Variants in FHIT observed in about 807,000 individuals in gnomAD.
FHIT encodes the protein bis(5'-adenosyl)-triphosphatase.
FHIT carries 19 observed loss-of-function variants against 17.9 expected under a neutral mutation model. The observed-to-expected ratio is 1.06, with a 90% confidence interval of 0.74 to 1.56. The LOEUF is 1.56. Among genes scored for constraint, FHIT ranks in the 40% most tolerant of loss-of-function variants. The probability of loss-of-function intolerance (pLI) is 0.00; values close to 1 mark genes in which losing one functional copy is unlikely to be tolerated. For synonymous variants in FHIT, 81 were observed against 69.7 expected (o/e 1.16, Z -0.81); for missense variants, 248 against 189.2 (o/e 1.31, Z -1.82).
At chr3:59,883,549 T>C (rs1347758374) in intron 8 of FHIT, among the ~76,000 whole-genome samples, 2 of 152,226 alleles carry the variant, frequency 1.3e-5, no homozygotes, top group East Asian at 3.8e-4. Flanking sequence ...ATGATTCAAT[T>C]ATCTCTTACA....
intron 5 of FHIT, among the ~76,000 whole-genome samples, chr3:60,028,633 C>CA (rs1342617988): frequency 2.0e-5 from 3 of 151,972 alleles, no homozygotes; most frequent in African/African-American, 7.2e-5. Flanking sequence ...AAAACAAAAA[C>CA]AAAAAACCAA....
Position 60,240,279 on chromosome 3 carries a change from G to A in FHIT, c.104-226127C>T, listed in dbSNP as rs548301996. Among the ~76,000 whole-genome samples, 13 of 152,242 alleles carry A rather than the reference G, an allele frequency of 8.5e-5. No homozygotes were observed. The South Asian group carries it at 2.1e-3, about 24-fold the overall frequency. ...AGTAGGAGAGAATGGGGAAAAAAAG[G>A]CTTTGCTTCAAATTTATATTTCTGT... is the stretch of plus-strand genomic sequence containing the variant. On this transcript the variant is annotated intron_variant, in intron 5 of 9. Transcript: ENST00000492590.
chr3:60,206,329 C>A (rs888636224), intron 5 of FHIT, among the ~76,000 whole-genome samples: 53 of 152,026 alleles, frequency 3.5e-4, no homozygotes, highest in African/African-American at 1.1e-3. Context: ...TAGTCCAACA[C>A]ACCCTATGTA....
chr3:60,702,562 T>C (rs544649316), intron 4 of FHIT, among the ~76,000 whole-genome samples: 2 of 152,064 alleles, frequency 1.3e-5, no homozygotes, highest in African/African-American at 2.4e-5. Flanking sequence ...ATTGAAAGTA[T>C]AAAGAAAAAA....
Position 60,072,683 on chromosome 3 carries a change from T to C in FHIT, c.104-58531A>G, listed in dbSNP as rs536968388. ...GCTGGTAAGTGGACGATCAAAGATT[T>C]AAACATAGGCAGTGTGGATCCCAAG... is the stretch of plus-strand genomic sequence containing the variant. On this transcript the variant is annotated intron_variant, in intron 5 of 9. Coordinates refer to ENST00000492590, the MANE Select transcript of FHIT (RefSeq NM_002012.4). 2.0e-5 allele frequency among the ~76,000 whole-genome samples: 3 copies of C among 152,322 alleles called. No homozygotes were observed. The East Asian group carries it at 5.8e-4, about 29-fold the overall frequency.
chr3:60,358,898 T>C (rs1184741181), intron 5 of FHIT, among the ~76,000 whole-genome samples: 1 of 152,188 alleles, frequency 6.6e-6, no homozygotes, highest in African/African-American at 2.4e-5. Context: ...TGATGGAAGA[T>C]TTATATTAAA....
intron 5 of FHIT, among the ~76,000 whole-genome samples, chr3:60,378,559 C>T (rs766033631): frequency 2.0e-5 from 3 of 152,030 alleles, no homozygotes; most frequent in Non-Finnish European, 4.4e-5. Flanking sequence ...GATAATGTGC[C>T]AAGTCCTATT....
intron 8 of FHIT, among the ~76,000 whole-genome samples, chr3:59,898,638 C>T (rs1559710496): frequency 6.6e-6 from 1 of 151,386 alleles, no homozygotes; most frequent in Non-Finnish European, 1.5e-5. Flanking sequence ...TCTACAGAAT[C>T]TTTTTTTTTC....
intron 9 of FHIT, 199 bp downstream of exon 9, chr3:59,752,004 AAGAAGAGAGTGAAGAGGC>A (rs1700934574): frequency 4.5e-6 from 2 of 443,186 alleles, no homozygotes; most frequent in South Asian, 5.0e-5. Flanking sequence ...ACTGGCTTGG[AAGAAGAGAGTGAAGAGGC>A]AGGAGAGTTG....
intron 4 of FHIT, among the ~76,000 whole-genome samples, chr3:60,597,564 T>C (rs1181290921): frequency 6.6e-6 from 1 of 152,096 alleles, no homozygotes; most frequent in East Asian, 1.9e-4. Context: ...CAGCTCTTCA[T>C]GAAAAGCTCT....
At chr3:60,413,816 C>T (rs2107235306) in intron 5 of FHIT, among the ~76,000 whole-genome samples, 1 of 152,284 alleles carries the variant, frequency 6.6e-6, no homozygotes, top group Non-Finnish European at 1.5e-5. Flanking sequence ...TCAGTCACTT[C>T]ATATTAACAG....
intron 3 of FHIT, among the ~76,000 whole-genome samples, chr3:60,912,092 G>A (rs148276824): frequency 6.6e-6 from 1 of 151,688 alleles, no homozygotes; most frequent in African/African-American, 2.4e-5. Context: ...CATATTTCAG[G>A]TACCTCTGTC....
intron 1 of FHIT, among the ~76,000 whole-genome samples, chr3:61,216,380 A>C (rs935013044): frequency 1.3e-5 from 2 of 152,216 alleles, no homozygotes; most frequent in African/African-American, 4.8e-5. Flanking sequence ...GCAGCCAAAA[A>C]ACACATGAAA....
intron 1 of FHIT, among the ~76,000 whole-genome samples, chr3:61,244,565 G>A (rs2106938648): frequency 6.6e-6 from 1 of 152,246 alleles, no homozygotes; most frequent in South Asian, 2.1e-4. Flanking sequence ...GTCACTCTCT[G>A]ACCTTCCTTC....
intron 4 of FHIT, among the ~76,000 whole-genome samples, chr3:60,563,233 T>C (rs2037017279): frequency 6.6e-6 from 1 of 152,108 alleles, no homozygotes; most frequent in African/African-American, 2.4e-5. Context: ...ATTCTGGATA[T>C]GTCTTGGGAG....
intron 7 of FHIT, among the ~76,000 whole-genome samples, chr3:59,973,127 G>A (rs1481109577): frequency 1.3e-5 from 2 of 152,080 alleles, no homozygotes; most frequent in East Asian, 1.9e-4. Flanking sequence ...TTACTGACAT[G>A]TCTTCTCTTT....
chr3:60,687,763 T>C (rs567064971), intron 4 of FHIT, among the ~76,000 whole-genome samples: 1 of 152,276 alleles, frequency 6.6e-6, no homozygotes, highest in East Asian at 1.9e-4. Context: ...TAAAGTGTCA[T>C]ACAACAATTC....
At chr3:60,331,142 T>A (rs1709952447) in intron 5 of FHIT, among the ~76,000 whole-genome samples, 1 of 152,184 alleles carries the variant, frequency 6.6e-6, no homozygotes, top group South Asian at 2.1e-4. Flanking sequence ...CTCTAGACAC[T>A]CTGGATTTCA....
chr3:60,843,114 A>C lies in FHIT; in HGVS notation c.-110-21103T>G, dbSNP rs1702796305. On this transcript the variant is annotated intron_variant, in intron 3 of 9. Transcript: ENST00000492590. Reference sequence around the variant, plus strand: ...GTAAGAAAGAAAGGAATACAGTTTAAAATTCACGTAGGAATGGAGTTTAAA... The same window carrying C: ...GTAAGAAAGAAAGGAATACAGTTTACAATTCACGTAGGAATGGAGTTTAAA... Among the ~76,000 whole-genome samples, 4 of 152,180 alleles carry C rather than the reference A, an allele frequency of 2.6e-5. No individual in the cohort carries two copies. The South Asian group carries it at 8.3e-4, about 31-fold the overall frequency.
Sources: gnomAD v4.1 joint callset for allele counts (sites outside exome capture counted in the v4.1 genomes callset) on GRCh38, gnomAD v4.1.1 for gene constraint, MANE v1.5 for transcripts, NCBI Gene and HGNC (gene_info 2026-07-23, HGNC 2026-07-21) for gene names.